Variants in ASIC2 observed in about 807,000 individuals in gnomAD.
ASIC2 encodes the protein acid sensing ion channel subunit 2, also known as acid-sensing ion channel 2.
In ASIC2, 25 loss-of-function variants were observed where a neutral mutation model predicts 57.3. That is an observed-to-expected ratio of 0.44 (90% CI 0.32 to 0.61). ASIC2 has a LOEUF of 0.61. Among genes scored for constraint, ASIC2 ranks in the 20% least tolerant of loss-of-function variants. The probability of loss-of-function intolerance (pLI) is 0.06; values close to 1 mark genes in which losing one functional copy is unlikely to be tolerated. For missense variants in ASIC2, 641 were observed against 738.1 expected, an observed-to-expected ratio of 0.87 and a Z score of 1.52; for synonymous variants, 319 against 307.5, an observed-to-expected ratio of 1.04 and a Z score of -0.39.
chr17:34,149,830 A>G (rs6505396), intron 1 of ASIC2, among the ~76,000 whole-genome samples: 115,725 of 152,046 alleles, frequency 0.76, 44,132 homozygotes, highest in South Asian at 0.85. Context: ...ACAGTATGGA[A>G]GTTCCTCAAA....
At chr17:33,630,072 ATC>A (rs1306524623) in intron 1 of ASIC2, among the ~76,000 whole-genome samples, 6 of 152,130 alleles carry the variant, frequency 3.9e-5, no homozygotes, top group African/African-American at 1.4e-4. Context: ...ACCAGCGGCC[ATC>A]TCTCTACTTT....
At chr17:33,940,304 T>A (rs1359223912) in intron 1 of ASIC2, among the ~76,000 whole-genome samples, 2 of 152,182 alleles carry the variant, frequency 1.3e-5, no homozygotes, top group Non-Finnish European at 2.9e-5. Flanking sequence ...GGGTTCCCTG[T>A]AGAAGCTGGT....
chr17:33,590,127 A>T (rs1904777694), intron 1 of ASIC2, among the ~76,000 whole-genome samples: 1 of 152,108 alleles, frequency 6.6e-6, no homozygotes, highest in African/African-American at 2.4e-5. Flanking sequence ...CATTCAGGAA[A>T]AGAGGGTGGA....
intron 1 of ASIC2, among the ~76,000 whole-genome samples, chr17:33,456,813 T>A (rs1433770852): frequency 2.0e-5 from 3 of 152,228 alleles, no homozygotes; most frequent in Non-Finnish European, 4.4e-5. Context: ...AGCCCAGCCT[T>A]AGCATTGATT....
At chr17:33,031,075 A>T (rs1431133831) in intron 3 of ASIC2, among the ~76,000 whole-genome samples, 1 of 152,098 alleles carries the variant, frequency 6.6e-6, no homozygotes, top group Non-Finnish European at 1.5e-5. Context: ...ATTTGTACGG[A>T]CTTGGTACCA....
intron 1 of ASIC2, among the ~76,000 whole-genome samples, chr17:33,459,370 T>A (rs910975497): frequency 6.6e-6 from 1 of 152,182 alleles, no homozygotes; most frequent in Non-Finnish European, 1.5e-5. Flanking sequence ...GCAGGATCAA[T>A]GTATCTAATT....
chr17:33,954,049 G>C (rs1023362183), intron 1 of ASIC2, among the ~76,000 whole-genome samples: 1 of 152,132 alleles, frequency 6.6e-6, no homozygotes, highest in African/African-American at 2.4e-5. Context: ...AGGAACCTGG[G>C]CTAAGCCTGC....
At chr17:34,099,754 GAA>G in intron 1 of ASIC2, among the ~76,000 whole-genome samples, 1 of 11,402 alleles carries the variant, frequency 8.8e-5, no homozygotes, top group South Asian at 3.9e-3. Context: ...AAGAAAGAAA[GAA>G]AGAAAGAAAG....
chr17:33,796,967 T>C (rs2130818), intron 1 of ASIC2, among the ~76,000 whole-genome samples: 112,495 of 152,014 alleles, frequency 0.74, 42,385 homozygotes, highest in African/African-American at 0.8. Context: ...GTCTCCCTTA[T>C]GCAAGAACCA....
chr17:33,578,368 A>C (rs1024353417), intron 1 of ASIC2, among the ~76,000 whole-genome samples: 1 of 152,170 alleles, frequency 6.6e-6, no homozygotes, highest in Non-Finnish European at 1.5e-5. Flanking sequence ...ATTTTTATTT[A>C]TAGGACACGT....
chr17:33,017,034 C>T (rs528340053), intron 8 of ASIC2, among the ~76,000 whole-genome samples: 2 of 152,326 alleles, frequency 1.3e-5, no homozygotes, highest in African/African-American at 2.4e-5. Flanking sequence ...GTTCCAGCTG[C>T]CTCTTGAGGG....
chr17:33,523,209 C>CT (rs1452560158), intron 1 of ASIC2, among the ~76,000 whole-genome samples: 1 of 152,182 alleles, frequency 6.6e-6, no homozygotes, highest in Non-Finnish European at 1.5e-5. Flanking sequence ...CCCTCTGAAA[C>CT]TTTGTTTCTT....
intron 1 of ASIC2, among the ~76,000 whole-genome samples, chr17:34,023,729 T>C (rs1282605956): frequency 2.0e-5 from 3 of 152,152 alleles, no homozygotes; most frequent in African/African-American, 4.8e-5. Context: ...TGCCAGAGCC[T>C]TGACTTTGGA....
chr17:33,553,412 G>A (rs1366752709), intron 1 of ASIC2, among the ~76,000 whole-genome samples: 1 of 152,100 alleles, frequency 6.6e-6, no homozygotes, highest in African/African-American at 2.4e-5. Flanking sequence ...TGCAAAGAGA[G>A]GTAGAATAAA....
intron 1 of ASIC2, among the ~76,000 whole-genome samples, chr17:33,944,660 A>T (rs1223432380): frequency 6.6e-6 from 1 of 152,170 alleles, no homozygotes; most frequent in Non-Finnish European, 1.5e-5. Flanking sequence ...AAAGTGAAAC[A>T]CTTCTGCCCT....
intron 1 of ASIC2, among the ~76,000 whole-genome samples, chr17:34,031,082 C>A (rs1266026980): frequency 2.6e-5 from 4 of 152,318 alleles, no homozygotes; most frequent in African/African-American, 9.6e-5. Flanking sequence ...GGTCCCTGAC[C>A]CCTGAGCAGC....
At chr17:33,440,824 T>G (rs1911797212) in intron 1 of ASIC2, among the ~76,000 whole-genome samples, 1 of 152,266 alleles carries the variant, frequency 6.6e-6, no homozygotes, top group Non-Finnish European at 1.5e-5. Context: ...TGTTTTCTTG[T>G]AATCGAGTTA....
chr17:33,881,890 A>T (rs985160125), intron 1 of ASIC2, among the ~76,000 whole-genome samples: 28 of 152,170 alleles, frequency 1.8e-4, no homozygotes, highest in African/African-American at 5.8e-4. Flanking sequence ...CAACACAGCA[A>T]GGTACTGGTA....
chr17:33,038,586 C>T (rs73984932), intron 3 of ASIC2, among the ~76,000 whole-genome samples: 1 of 152,290 alleles, frequency 6.6e-6, no homozygotes, highest in Middle Eastern at 3.4e-3. Flanking sequence ...CATCCTCCCC[C>T]ACTCTTTCTC....
Sources: allele counts gnomAD v4.1 joint callset (sites outside exome capture counted in the v4.1 genomes callset), GRCh38; gene constraint gnomAD v4.1.1; transcripts MANE v1.5; gene names NCBI Gene and HGNC (gene_info 2026-07-23, HGNC 2026-07-21).